REC114: variants seen among roughly 807,000 people sequenced by gnomAD.
REC114 encodes meiotic recombination protein REC114.
In REC114, 27 loss-of-function variants were observed where a neutral mutation model predicts 31.3. That is an observed-to-expected ratio of 0.86 (90% CI 0.64 to 1.19). The LOEUF (loss-of-function observed/expected upper bound fraction) is 1.19, where lower values mean the gene tolerates loss of function less well. Ranked by LOEUF, REC114 falls within the 50% of genes most tolerant of loss-of-function variation. The pLI is 0.00. For missense variants in REC114, 344 were observed against 326.9 expected (o/e 1.05, Z -0.40); for synonymous variants, 134 against 127.7 (o/e 1.05, Z -0.33).
chr15:73,518,688 ACCG>A (rs1252606798), intron 2 of REC114, among the ~76,000 whole-genome samples: 7 of 152,320 alleles, frequency 4.6e-5, no homozygotes, highest in African/African-American at 1.7e-4. Flanking sequence ...CCAAAGGAAA[ACCG>A]AAGAATGCAT....
chr15:73,482,403 C>T (rs1426297452), intron 2 of REC114, among the ~76,000 whole-genome samples: 1 of 152,180 alleles, frequency 6.6e-6, no homozygotes, highest in Non-Finnish European at 1.5e-5. Flanking sequence ...CATGCCTCTT[C>T]CCCCTTTGCC....
intron 5 of REC114, among the ~76,000 whole-genome samples, chr15:73,558,162 A>G (rs1894499991): frequency 6.6e-6 from 1 of 152,194 alleles, no homozygotes; most frequent in Non-Finnish European, 1.5e-5. Flanking sequence ...CTAACATCAT[A>G]TTGAGACCCC....
At chr15:73,524,439 A>G (rs574518700) in intron 2 of REC114, among the ~76,000 whole-genome samples, 2 of 152,312 alleles carry the variant, frequency 1.3e-5, no homozygotes, top group African/African-American at 2.4e-5. Context: ...AAGAGGATCA[A>G]TGATTAACAG....
chr15:73,454,197 A>T (rs1892888317), intron 1 of REC114, among the ~76,000 whole-genome samples: 1 of 152,230 alleles, frequency 6.6e-6, no homozygotes, highest in Non-Finnish European at 1.5e-5. Flanking sequence ...AGAAGCACCC[A>T]AGAGAATGGA....
intron 2 of REC114, among the ~76,000 whole-genome samples, chr15:73,486,319 A>G (rs944256733): frequency 6.6e-6 from 1 of 151,994 alleles, no homozygotes; most frequent in Non-Finnish European, 1.5e-5. Flanking sequence ...GCTGGTCTCG[A>G]GCTCCTGACC....
At chr15:73,529,225 C>T (rs1221944138) in intron 2 of REC114, among the ~76,000 whole-genome samples, 1 of 151,814 alleles carries the variant, frequency 6.6e-6, no homozygotes, top group Non-Finnish European at 1.5e-5. Context: ...GCAAGCTCTG[C>T]CTGCCAGGTT....
intron 2 of REC114, among the ~76,000 whole-genome samples, chr15:73,528,015 C>T (rs533063172): frequency 4.6e-5 from 7 of 151,954 alleles, no homozygotes; most frequent in African/African-American, 9.7e-5. Context: ...TGCAAAGGAT[C>T]GAAACAGCAA....
At chr15:73,532,181 G>T (rs1271150019) in intron 2 of REC114, among the ~76,000 whole-genome samples, 1 of 146,864 alleles carries the variant, frequency 6.8e-6, no homozygotes, top group Non-Finnish European at 1.5e-5. Context: ...TCCCCTTCCT[G>T]TGTCCATGTG....
rs553952145 is a variant in REC114, at chr15:73,447,202, G to A, written c.159+3858G>A. 4.6e-5 allele frequency among the ~76,000 whole-genome samples: 7 copies of A among 152,260 alleles called. No individual in the cohort carries two copies. In the South Asian group the frequency reaches 1.5e-3, roughly 32 times the overall value. ...GTTTTGGATGTATTGAATTTCATAA[G>A]ATTGTGAAGCATCCAAGTGGAGATA... On this transcript the variant is annotated intron_variant, in intron 1 of 5. Transcript: ENST00000331090.
chr15:73,546,625 TTATC>T (rs1285853413), intron 3 of REC114, among the ~76,000 whole-genome samples: 1 of 152,206 alleles, frequency 6.6e-6, no homozygotes, highest in Non-Finnish European at 1.5e-5. Flanking sequence ...AAAAATATAT[TTATC>T]AGTGAACTCA....
intron 2 of REC114, among the ~76,000 whole-genome samples, chr15:73,521,846 G>A (rs1189712263): frequency 6.6e-6 from 1 of 152,112 alleles, no homozygotes; most frequent in Non-Finnish European, 1.5e-5. Flanking sequence ...AAAGAAAACT[G>A]TAGGCCCATG....
At chr15:73,488,950 C>T (rs1893409306) in intron 2 of REC114, among the ~76,000 whole-genome samples, 1 of 152,106 alleles carries the variant, frequency 6.6e-6, no homozygotes, top group Admixed American at 6.6e-5. Flanking sequence ...CTGTCTTAGT[C>T]CATTTGTGCA....
intron 2 of REC114, among the ~76,000 whole-genome samples, chr15:73,537,739 A>G (rs1377053821): frequency 6.6e-6 from 1 of 152,218 alleles, no homozygotes; most frequent in African/African-American, 2.4e-5. Flanking sequence ...ATTTTCTCAT[A>G]CATGCATAAG....
intron 2 of REC114, among the ~76,000 whole-genome samples, chr15:73,517,854 T>TG (rs1893881655): frequency 6.6e-6 from 1 of 152,058 alleles, no homozygotes; most frequent in South Asian, 2.1e-4. Flanking sequence ...GACCATAGCC[T>TG]GGGGGAGGGT....
intron 2 of REC114, among the ~76,000 whole-genome samples, chr15:73,480,316 G>T (rs889398938): frequency 1.3e-5 from 2 of 150,546 alleles, no homozygotes; most frequent in African/African-American, 4.9e-5. Context: ...TGTCACCCAG[G>T]CTTAATAATA....
chr15:73,558,719 A>C (rs1005212268), intron 5 of REC114, among the ~76,000 whole-genome samples: 1 of 152,256 alleles, frequency 6.6e-6, no homozygotes, highest in Non-Finnish European at 1.5e-5. Flanking sequence ...AGTGGAATGT[A>C]AATGGGACAG....
chr15:73,488,223 A>G (rs1206898736), intron 2 of REC114, among the ~76,000 whole-genome samples: 2 of 152,184 alleles, frequency 1.3e-5, no homozygotes, highest in African/African-American at 4.8e-5. Context: ...GGTAGCCTCA[A>G]AGTTCTTTGA....
At chr15:73,469,174 T>G (rs1319895009) in intron 1 of REC114, among the ~76,000 whole-genome samples, 1 of 152,194 alleles carries the variant, frequency 6.6e-6, no homozygotes, top group Non-Finnish European at 1.5e-5. Flanking sequence ...CTATGTGCTT[T>G]TTCTATCAGT....
chr15:73,486,970 G>A (rs1275380003), intron 2 of REC114, among the ~76,000 whole-genome samples: 3 of 151,718 alleles, frequency 2.0e-5, no homozygotes, highest in African/African-American at 4.8e-5. Context: ...GCGGTGAGCC[G>A]AGATCGCACC....
Sources: gnomAD v4.1 joint callset for allele counts (sites outside exome capture counted in the v4.1 genomes callset) on GRCh38, gnomAD v4.1.1 for gene constraint, MANE v1.5 for transcripts, NCBI Gene and HGNC (gene_info 2026-07-23, HGNC 2026-07-21) for gene names.